Variants in KDM2B observed in about 807,000 individuals in gnomAD.
The protein encoded by KDM2B is lysine-specific demethylase 2B.
Under a neutral mutation model 150.0 loss-of-function variants are expected in KDM2B, and 26 were observed. The ratio of observed to expected loss-of-function variants is 0.17; its 90% CI spans 0.13 to 0.24. KDM2B has a LOEUF of 0.24. KDM2B is among the 10% of genes least tolerant of loss of function. The pLI is 1.00. For missense variants in KDM2B, 1,265 were observed against 1,816.9 expected, an observed-to-expected ratio of 0.70 and a Z score of 5.52; for synonymous variants, 734 against 729.5, an observed-to-expected ratio of 1.01 and a Z score of -0.10.
chr12:121,493,236 A>C (rs1032023650), intron 12 of KDM2B, among the ~76,000 whole-genome samples: 55 of 150,850 alleles, frequency 3.6e-4, no homozygotes, highest in Non-Finnish European at 6.6e-4. Flanking sequence ...GCCAAAAAAA[A>C]CCCCAAAAAA....
the KDM2B span, among the ~76,000 whole-genome samples, chr12:121,421,396 A>C: frequency 1.3e-5 from 2 of 149,722 alleles, no homozygotes; most frequent in Non-Finnish European, 1.5e-5. Flanking sequence ...AAAAAAAAAA[A>C]AACCAAAAAA....
At position 121,549,028 on chromosome 12, in the gene KDM2B, G is replaced by T; in HGVS notation, c.577-45C>A. The T allele has an allele frequency of 6.7e-7, 1 of 1,502,002 alleles. No homozygotes were observed. The highest frequency in any genetic ancestry group is 9.3e-7 in the Non-Finnish European group (1 of 1,078,776). 93.0% of individuals were successfully genotyped at this position (1,502,002 alleles called of 1,614,324 possible). ...GAGCACTGCATTTCTCCACTGCCGA[G>T]CCAGACACAAATACCCCTTTCCCCG... On this transcript the variant is annotated intron_variant, in intron 5 of 22. Transcript: ENST00000377071. The surrounding 1 kb of genome is among the most constrained non-coding windows in gnomAD (Gnocchi z 4.4).
chr12:121,519,656 G>T (rs999705989), intron 9 of KDM2B, among the ~76,000 whole-genome samples: 1 of 152,146 alleles, frequency 6.6e-6, no homozygotes, highest in Non-Finnish European at 1.5e-5. Flanking sequence ...ACTGCTTGTG[G>T]GTACAAGGTT....
chr12:121,421,422 A>T, the KDM2B span, among the ~76,000 whole-genome samples: 1 of 143,872 alleles, frequency 7.0e-6, no homozygotes, highest in African/African-American at 2.5e-5. Context: ...GTGTGGTGGC[A>T]CCAGCCTGTG....
the KDM2B span, among the ~76,000 whole-genome samples, chr12:121,411,035 A>G: frequency 6.6e-6 from 1 of 152,140 alleles, no homozygotes; most frequent in Non-Finnish European, 1.5e-5. Context: ...CCCAGGCTCA[A>G]GAGATCCTTT....
At chr12:121,559,278 T>C (rs1290746696) in intron 4 of KDM2B, among the ~76,000 whole-genome samples, 1 of 151,904 alleles carries the variant, frequency 6.6e-6, no homozygotes, top group Non-Finnish European at 1.5e-5. Flanking sequence ...AAGAGTTTCC[T>C]TAGTGTGCCG....
Position 121,527,653 on chromosome 12 carries a change from C to CAA in KDM2B, c.931+5151_931+5152dup, listed in dbSNP as rs58304715. On this transcript the variant is annotated intron_variant, in intron 8 of 22. Coordinates refer to ENST00000377071, the MANE Select transcript of KDM2B (RefSeq NM_032590.5). The stretch of plus-strand genomic sequence containing the variant: ...TGGGTGACAGAGGGAGACTCCGTCT[C>CAA]AAAAAAAAAAAAAAAAAAAAAAAAG... Among the ~76,000 whole-genome samples the CAA allele has an allele frequency of 5.9e-3, 341 of 57,960 alleles. 1 individual carries two copies. Among genetic ancestry groups the CAA allele is most frequent in the African/African-American group, 9.6e-3 (113 of 11,832 alleles). The allele number at this position is 57,960 out of a possible 152,430, so 38.0% of individuals were successfully genotyped here.
intron 22 of KDM2B, among the ~76,000 whole-genome samples, chr12:121,436,754 C>T (rs1310409736): frequency 6.6e-6 from 1 of 152,120 alleles, no homozygotes; most frequent in Non-Finnish European, 1.5e-5. Context: ...GAAATGGACT[C>T]AAACCTGTTT....
At chr12:121,421,371 T>TAAAAAA in the KDM2B span, among the ~76,000 whole-genome samples, 191 of 46,350 alleles carry the variant, frequency 4.1e-3, 6 homozygotes, top group Non-Finnish European at 6.7e-3. Flanking sequence ...ATCCCATCTC[T>TAAAAAA]AAAAAAAAAA....
rs1593749969 is a variant in KDM2B, at chr12:121,442,917, G to A, written c.2604+75C>T. The A allele has an allele frequency of 1.3e-6, 2 of 1,583,386 alleles. No individual in the cohort carries two copies. Among genetic ancestry groups the A allele is most frequent in the Non-Finnish European group, 8.6e-7 (1 of 1,165,138 alleles). ...AAGGCCTCCCGCCCCCCTGCCACGG[G>A]ACTGTGGCCCAGGGAGCTGCGGTGC... On this transcript the variant is annotated intron_variant, in intron 18 of 22. Coordinates refer to ENST00000377071, the MANE Select transcript of KDM2B (RefSeq NM_032590.5). This position sits in a 1 kb window ranked among gnomAD's most constrained non-coding sequence, Gnocchi z 7.7.
chr12:121,544,938 A>T (rs912872820), intron 6 of KDM2B, among the ~76,000 whole-genome samples: 7 of 152,124 alleles, frequency 4.6e-5, no homozygotes, highest in Admixed American at 1.3e-4. Flanking sequence ...AAAAATTTTT[A>T]AAAATTCCTA....
At chr12:121,447,117 T>A (rs531160891) in intron 13 of KDM2B, among the ~76,000 whole-genome samples, 1 of 152,320 alleles carries the variant, frequency 6.6e-6, no homozygotes, top group African/African-American at 2.4e-5. Context: ...TCAAAAAGGC[T>A]ATTAAAATAC....
chr12:121,419,576 C>CAGT, the KDM2B span, among the ~76,000 whole-genome samples: 81,023 of 151,720 alleles, frequency 0.53, 21,891 homozygotes, highest in African/African-American at 0.61. Flanking sequence ...GCCTGGCAAT[C>CAGT]AGGGTGGAAT....
intron 4 of KDM2B, among the ~76,000 whole-genome samples, chr12:121,571,248 G>A (rs553963346): frequency 1.3e-4 from 20 of 152,296 alleles, no homozygotes; most frequent in African/African-American, 4.8e-4. Flanking sequence ...ATTTAGTGGG[G>A]ATGGTTATAC....
Position 121,430,569 on chromosome 12 carries a change from C to T in KDM2B, c.3830-100G>A. ...TCAGCAGTGGGGACAGGTCAGAGCT[C>T]TACATATTCCAGTCCCTGCTGTGCT... On this transcript the variant is annotated intron_variant, in intron 22 of 22. Transcript: ENST00000377071. The surrounding 1 kb of genome is among the most constrained non-coding windows in gnomAD (Gnocchi z 4.4). 1.3e-6 allele frequency: 1 copy of T among 768,392 alleles called. No homozygotes were observed. Among genetic ancestry groups the T allele is most frequent in the Non-Finnish European group, 2.3e-6 (1 of 434,356 alleles). The allele number at this position is 768,392 out of a possible 1,614,324, so 47.6% of individuals were successfully genotyped here. A position where few individuals can be genotyped will look rare whatever the true frequency, so the allele number is the denominator to read the frequency against.
rs917105576 is a variant in KDM2B, at chr12:121,533,517, C to T, written c.778-558G>A. 2.0e-5 allele frequency among the ~76,000 whole-genome samples: 3 copies of T among 152,138 alleles called. No homozygotes were observed. Among genetic ancestry groups the T allele is most frequent in the Non-Finnish European group, 4.4e-5 (3 of 68,032 alleles). ...GGACACCCACATCCCCACGTGGACA[C>T]GCAACAAAAGCAGACACAGGGAGCA... is the stretch of plus-strand genomic sequence containing the variant. On this transcript the variant is annotated intron_variant, in intron 7 of 22. Coordinates refer to ENST00000377071, the MANE Select transcript of KDM2B (RefSeq NM_032590.5). This position sits in a 1 kb window ranked among gnomAD's most constrained non-coding sequence, Gnocchi z 4.1.
At chr12:121,462,855 C>A (rs1879298259) in intron 12 of KDM2B, among the ~76,000 whole-genome samples, 1 of 152,240 alleles carries the variant, frequency 6.6e-6, no homozygotes, top group African/African-American at 2.4e-5. Flanking sequence ...GTAATGCCAG[C>A]ACTTTGGGAG....
chr12:121,492,727 A>G (rs1157492281), intron 12 of KDM2B, among the ~76,000 whole-genome samples: 15 of 151,124 alleles, frequency 9.9e-5, no homozygotes, highest in African/African-American at 3.4e-4. Flanking sequence ...TACTCAGGAG[A>G]CTGAGGCAGG....
chr12:121,580,312 C>A, intron 1 of KDM2B: 5 of 1,206,464 alleles, frequency 4.1e-6, no homozygotes, highest in Non-Finnish European at 5.1e-6. Flanking sequence ...GCCGATCGCG[C>A]TCGGAGCCCG....
Sources: allele counts gnomAD v4.1 joint callset (sites outside exome capture counted in the v4.1 genomes callset), GRCh38; gene constraint gnomAD v4.1.1; non-coding constraint Gnocchi (gnomAD v3.1); transcripts MANE v1.5; gene names NCBI Gene and HGNC (gene_info 2026-07-23, HGNC 2026-07-21).